The following QTMAN variants were observed in gnomAD, a reference collection of about 807,000 sequenced individuals.
QTMAN encodes tRNA-queuosine alpha-mannosyltransferase.
the QTMAN span, among the ~76,000 whole-genome samples, chr2:144,177,723 A>G: frequency 6.6e-6 from 1 of 152,174 alleles, no homozygotes; most frequent in African/African-American, 2.4e-5. Context: ...TCAGTTCCAT[A>G]TATGTCATAG....
chr2:144,078,637 C>T, the QTMAN span, among the ~76,000 whole-genome samples: 4 of 152,230 alleles, frequency 2.6e-5, no homozygotes, highest in Non-Finnish European at 5.9e-5. Context: ...GCCAATGAGT[C>T]CACACACCTA....
At chr2:143,983,389 C>T in the QTMAN span, among the ~76,000 whole-genome samples, 69 of 150,474 alleles carry the variant, frequency 4.6e-4, no homozygotes, top group African/African-American at 1.3e-3. Flanking sequence ...TTTATAGCCA[C>T]GATAACTGGT....
At chr2:144,254,751 C>T in the QTMAN span, among the ~76,000 whole-genome samples, 3 of 152,282 alleles carry the variant, frequency 2.0e-5, no homozygotes, top group South Asian at 2.1e-4. Context: ...TGGAAGCAGT[C>T]GGGAGGGAAG....
the QTMAN span, among the ~76,000 whole-genome samples, chr2:143,956,416 T>C: frequency 2.6e-5 from 4 of 152,244 alleles, 1 homozygote; most frequent in South Asian, 8.3e-4. Context: ...CAGAAACACT[T>C]AGATATATCT....
the QTMAN span, among the ~76,000 whole-genome samples, chr2:144,132,911 G>A: frequency 1.3e-5 from 2 of 150,098 alleles, no homozygotes; most frequent in Non-Finnish European, 3.0e-5. Context: ...CCTAAGGTGG[G>A]GGGCTGCTAT....
the QTMAN span, among the ~76,000 whole-genome samples, chr2:144,187,843 G>A: frequency 2.0e-5 from 3 of 152,146 alleles, no homozygotes; most frequent in Non-Finnish European, 4.4e-5. Context: ...CAAAATGTCT[G>A]TGCTGATTTA....
chr2:144,302,502 T>TA, the QTMAN span, among the ~76,000 whole-genome samples: 2 of 152,096 alleles, frequency 1.3e-5, no homozygotes, highest in African/African-American at 4.8e-5. Context: ...GCATGATACT[T>TA]AGACAGTGCA....
At chr2:144,249,904 C>T in the QTMAN span, among the ~76,000 whole-genome samples, 1 of 152,072 alleles carries the variant, frequency 6.6e-6, no homozygotes, top group African/African-American at 2.4e-5. Context: ...ATATCCTCTA[C>T]AGTAAGCAAA....
the QTMAN span, among the ~76,000 whole-genome samples, chr2:144,308,368 A>ATGTT: frequency 6.6e-6 from 1 of 151,894 alleles, no homozygotes; most frequent in African/African-American, 2.4e-5. Flanking sequence ...GGGTTTCACT[A>ATGTT]TGTTAGCCAG....
chr2:144,269,448 C>T, the QTMAN span, among the ~76,000 whole-genome samples: 1 of 152,000 alleles, frequency 6.6e-6, no homozygotes, highest in East Asian at 1.9e-4. Context: ...TAATTTTTAA[C>T]TTTTTTTATT....
chr2:144,205,672 T>C, the QTMAN span, among the ~76,000 whole-genome samples: 2 of 152,170 alleles, frequency 1.3e-5, no homozygotes, highest in African/African-American at 4.8e-5. Flanking sequence ...CACCTGAGGG[T>C]GAAAAAATGA....
the QTMAN span, among the ~76,000 whole-genome samples, chr2:144,314,407 C>T: frequency 6.6e-6 from 1 of 152,058 alleles, no homozygotes; most frequent in East Asian, 1.9e-4. Context: ...AAGGGAAGGC[C>T]TGATAGAAAC....
the QTMAN span, among the ~76,000 whole-genome samples, chr2:144,049,255 C>G: frequency 1.3e-5 from 2 of 152,270 alleles, no homozygotes; most frequent in African/African-American, 2.4e-5. Context: ...TCCTTGTTCA[C>G]AGCATTACAC....
the QTMAN span, among the ~76,000 whole-genome samples, chr2:144,236,329 AC>A: frequency 6.6e-6 from 1 of 152,098 alleles, no homozygotes; most frequent in Non-Finnish European, 1.5e-5. Flanking sequence ...TCAGGTTTAA[AC>A]TGTTGCTTAA....
At chr2:143,981,906 G>A in the QTMAN span, among the ~76,000 whole-genome samples, 1 of 152,052 alleles carries the variant, frequency 6.6e-6, no homozygotes, top group African/African-American at 2.4e-5. Context: ...TTACAAATGG[G>A]ATAAATCTCT....
chr2:144,120,411 G>C, the QTMAN span, among the ~76,000 whole-genome samples: 9 of 152,148 alleles, frequency 5.9e-5, no homozygotes, highest in Non-Finnish European at 1.3e-4. Context: ...CAAAAGATTT[G>C]GGGGTCAGAA....
the QTMAN span, among the ~76,000 whole-genome samples, chr2:144,165,216 A>G: frequency 3.9e-5 from 6 of 151,986 alleles, no homozygotes; most frequent in African/African-American, 1.5e-4. Context: ...CTAAAAATAC[A>G]AACATTAGCC....
chr2:144,230,555 G>A, the QTMAN span, among the ~76,000 whole-genome samples: 7 of 151,316 alleles, frequency 4.6e-5, no homozygotes, highest in East Asian at 1.2e-3. Flanking sequence ...CAGAAATTTA[G>A]AAGGAAAAAA....
the QTMAN span, among the ~76,000 whole-genome samples, chr2:144,014,147 C>T: frequency 6.6e-6 from 1 of 152,182 alleles, no homozygotes; most frequent in South Asian, 2.1e-4. Flanking sequence ...AGTATGGCTG[C>T]ATGCTCTTCT....
Sources: gnomAD v4.1 joint callset for allele counts (sites outside exome capture counted in the v4.1 genomes callset) on GRCh38, gnomAD v4.1.1 for gene constraint, MANE v1.5 for transcripts, NCBI Gene and HGNC (gene_info 2026-07-23, HGNC 2026-07-21) for gene names.